Variants in CSMD1 observed in about 807,000 individuals in gnomAD.
The protein encoded by CSMD1 is CUB and Sushi multiple domains 1.
Under a neutral mutation model 417.5 loss-of-function variants are expected in CSMD1, and 213 were observed. The observed-to-expected ratio is 0.51, with a 90% CI of 0.46 to 0.57. The LOEUF is 0.57. Ranked by LOEUF, CSMD1 falls within the 20% of genes least tolerant of loss-of-function variation. The pLI is 0.00. For synonymous variants in CSMD1, 2,862 were observed against 1,736.8 expected (o/e 1.65, Z -16.11); for missense variants, 6,923 against 4,529.7 (o/e 1.53, Z -15.17).
intron 2 of CSMD1, among the ~76,000 whole-genome samples, chr8:4,422,617 C>A (rs767735708): frequency 7.9e-5 from 12 of 151,982 alleles, no homozygotes; most frequent in Admixed American, 3.9e-4. Context: ...CTTTCAGACT[C>A]CAGAACTGTG....
chr8:3,861,052 C>A (rs998664383), intron 5 of CSMD1, among the ~76,000 whole-genome samples: 1 of 152,182 alleles, frequency 6.6e-6, no homozygotes, highest in African/African-American at 2.4e-5. Context: ...ATTTGCTCCT[C>A]TCCCCTCCTT....
rs184690447 is a variant in CSMD1 at position 4,303,880 on chromosome 8, C to A, written c.415+116073G>T. ...CTATGTTGCCCAGGCTGGTCTCGAACTCCTGACCTTGTGATCTGCCTGCCT... is the reference window on the plus strand; with the variant it reads ...CTATGTTGCCCAGGCTGGTCTCGAAATCCTGACCTTGTGATCTGCCTGCCT... On this transcript the variant is annotated intron_variant, in intron 3 of 69. Coordinates refer to ENST00000635120, the MANE Select transcript of CSMD1 (RefSeq NM_033225.6). 9.9e-5 allele frequency among the ~76,000 whole-genome samples: 15 copies of A among 152,182 alleles called. No individual in the cohort carries two copies. The East Asian group carries it at 2.3e-3, about 24-fold the overall frequency.
intron 1 of CSMD1, among the ~76,000 whole-genome samples, chr8:4,945,580 G>A (rs1015744316): frequency 1.3e-5 from 2 of 151,736 alleles, no homozygotes; most frequent in Non-Finnish European, 2.9e-5. Context: ...GACAAGAATA[G>A]CCTCAGTAAA....
chr8:3,707,598 G>C (rs1384409389), intron 7 of CSMD1, among the ~76,000 whole-genome samples: 2 of 152,218 alleles, frequency 1.3e-5, no homozygotes, highest in Non-Finnish European at 2.9e-5. Flanking sequence ...CCTCAGTGAA[G>C]CTGGTACCCA....
rs189981606 is a variant in CSMD1, at chr8:4,769,667, C to A, written c.86-132109G>T. On this transcript the variant is annotated intron_variant, in intron 1 of 69. Coordinates refer to ENST00000635120, the MANE Select transcript of CSMD1 (RefSeq NM_033225.6). ...AAAAGAAACGGGAGGCTTGGAAAGGCTGACGGATTTGTGGAGCTGCACGTC... is the reference window on the plus strand; with the variant it reads ...AAAAGAAACGGGAGGCTTGGAAAGGATGACGGATTTGTGGAGCTGCACGTC... Among the ~76,000 whole-genome samples, 279 of 152,234 alleles carry A rather than the reference C, an allele frequency of 1.8e-3. No homozygotes were observed. The Middle Eastern group carries it at 0.054, about 30-fold the overall frequency.
At chr8:4,854,070 C>T (rs779272964) in intron 1 of CSMD1, among the ~76,000 whole-genome samples, 1 of 152,086 alleles carries the variant, frequency 6.6e-6, no homozygotes, top group Non-Finnish European at 1.5e-5. Flanking sequence ...GGGGAACGAA[C>T]TCATCTCCAG....
chr8:4,008,734 C>T lies in CSMD1; in HGVS notation c.611-10624G>A, dbSNP rs570256860. 3.4e-3 allele frequency among the ~76,000 whole-genome samples: 516 copies of T among 150,844 alleles called. 3 individuals are homozygous for T. The highest frequency in any genetic ancestry group is 0.012 in the African/African-American group (474 of 41,018). The stretch of plus-strand genomic sequence containing the variant: ...CACATCATTCTCCTGCCTCAGCCTC[C>T]TGAGTAGCTGGGAATACAGGCATCC... On this transcript the variant is annotated intron_variant, in intron 4 of 69. Coordinates refer to ENST00000635120, the MANE Select transcript of CSMD1 (RefSeq NM_033225.6).
intron 7 of CSMD1, among the ~76,000 whole-genome samples, chr8:3,651,567 C>T (rs1797859512): frequency 1.3e-5 from 2 of 152,088 alleles, no homozygotes; most frequent in Admixed American, 6.6e-5. Flanking sequence ...CTTGGCTGGC[C>T]ACCACATCTA....
intron 9 of CSMD1, among the ~76,000 whole-genome samples, chr8:3,581,540 T>G (rs1208758286): frequency 1.3e-5 from 2 of 152,186 alleles, no homozygotes; most frequent in African/African-American, 4.8e-5. Flanking sequence ...CATCAGATAT[T>G]CCTGCTCCAG....
At chr8:3,565,211 T>C (rs34169350) in intron 10 of CSMD1, among the ~76,000 whole-genome samples, 1,425 of 57,386 alleles carry the variant, frequency 0.025, 34 homozygotes, top group African/African-American at 0.084. Context: ...GATAGATAGA[T>C]AGAGAGATAG....
At chr8:4,345,880 C>G (rs985892356) in intron 3 of CSMD1, among the ~76,000 whole-genome samples, 2 of 152,122 alleles carry the variant, frequency 1.3e-5, no homozygotes, top group African/African-American at 2.4e-5. Context: ...GACAGGCAGA[C>G]AGGTGATGAG....
intron 3 of CSMD1, among the ~76,000 whole-genome samples, chr8:4,035,797 G>GA (rs1490666215): frequency 2.0e-5 from 3 of 152,030 alleles, no homozygotes; most frequent in Non-Finnish European, 4.4e-5. Context: ...GATTAAAAAA[G>GA]AAAAATGTGT....
intron 3 of CSMD1, among the ~76,000 whole-genome samples, chr8:4,137,937 G>A (rs1351540526): frequency 2.0e-5 from 3 of 151,474 alleles, no homozygotes; most frequent in Non-Finnish European, 4.4e-5. Context: ...GAGTGCAGTG[G>A]CGCAATCTCG....
intron 8 of CSMD1, among the ~76,000 whole-genome samples, chr8:3,594,631 T>C (rs888803547): frequency 1.3e-4 from 20 of 152,258 alleles, no homozygotes; most frequent in African/African-American, 4.8e-4. Flanking sequence ...ATGACTTAGG[T>C]TTATACCCTC....
chr8:3,926,102 C>CAAACACCATACAT (rs1197017795), intron 5 of CSMD1, among the ~76,000 whole-genome samples: 2 of 52,094 alleles, frequency 3.8e-5, no homozygotes, highest in African/African-American at 1.2e-4. Context: ...CACACACACA[C>CAAACACCATACAT]ACACACACAC....
At chr8:4,111,994 T>C (rs905967987) in intron 3 of CSMD1, among the ~76,000 whole-genome samples, 9 of 152,204 alleles carry the variant, frequency 5.9e-5, no homozygotes, top group Non-Finnish European at 1.2e-4. Context: ...TATTATTTTG[T>C]TTATACCAAG....
intron 2 of CSMD1, among the ~76,000 whole-genome samples, chr8:4,478,640 C>G (rs549347456): frequency 3.3e-5 from 5 of 152,086 alleles, no homozygotes; most frequent in Non-Finnish European, 7.4e-5. Context: ...AGAGAGGAAA[C>G]TATAAATTTT....
chr8:3,433,486 G>A (rs12679420), intron 12 of CSMD1, among the ~76,000 whole-genome samples: 2,024 of 152,154 alleles, frequency 0.013, 51 homozygotes, highest in East Asian at 0.096. Flanking sequence ...GGTGTGGGCG[G>A]ATTGCTTCTT....
At chr8:4,759,723 G>C (rs559405938) in intron 1 of CSMD1, among the ~76,000 whole-genome samples, 119 of 152,226 alleles carry the variant, frequency 7.8e-4, no homozygotes, top group African/African-American at 2.8e-3. Context: ...CTCTATCCAT[G>C]TTCCTGAAAA....
Sources: gnomAD v4.1 joint callset for allele counts (sites outside exome capture counted in the v4.1 genomes callset) on GRCh38, gnomAD v4.1.1 for gene constraint, MANE v1.5 for transcripts, NCBI Gene and HGNC (gene_info 2026-07-23, HGNC 2026-07-21) for gene names.